The following ABTB3 variants were observed in gnomAD, a reference collection of about 807,000 sequenced individuals.
ABTB3 encodes the protein ankyrin repeat- and BTB/POZ domain-containing protein 3.
chr12:107,588,464 C>T, the ABTB3 span, among the ~76,000 whole-genome samples: 9 of 152,218 alleles, frequency 5.9e-5, no homozygotes, highest in Middle Eastern at 3.4e-3. Flanking sequence ...TAAACAAATG[C>T]GGCACAGGAC....
the ABTB3 span, chr12:107,620,155 A>G: frequency 9.9e-6 from 16 of 1,614,102 alleles, no homozygotes; most frequent in South Asian, 1.6e-4. Context: ...AGATCCTGAA[A>G]GCGAGCAAGG....
the ABTB3 span, among the ~76,000 whole-genome samples, chr12:107,354,923 T>G: frequency 6.6e-6 from 1 of 152,234 alleles, no homozygotes; most frequent in Non-Finnish European, 1.5e-5. Flanking sequence ...CCATACATTA[T>G]ATAGCTTTTT....
At chr12:107,327,726 C>T in the ABTB3 span, among the ~76,000 whole-genome samples, 1 of 152,322 alleles carries the variant, frequency 6.6e-6, no homozygotes, top group Non-Finnish European at 1.5e-5. Context: ...AAGCCAATGT[C>T]ACATGTTTTA....
chr12:107,618,471 A>G, the ABTB3 span: 6 of 1,065,680 alleles, frequency 5.6e-6, no homozygotes, highest in African/African-American at 1.6e-5. Context: ...ACACATACAC[A>G]TGCAAAACAC....
the ABTB3 span, among the ~76,000 whole-genome samples, chr12:107,409,091 C>G: frequency 3.3e-5 from 5 of 152,188 alleles, no homozygotes; most frequent in African/African-American, 1.2e-4. Flanking sequence ...CTCTCCGTCC[C>G]CCTCACCTTC....
chr12:107,356,642 T>C, the ABTB3 span, among the ~76,000 whole-genome samples: 1 of 152,218 alleles, frequency 6.6e-6, no homozygotes, highest in African/African-American at 2.4e-5. Context: ...TAGCTAAAAA[T>C]GTTCCACCCT....
At chr12:107,419,433 C>A in the ABTB3 span, among the ~76,000 whole-genome samples, 1 of 152,202 alleles carries the variant, frequency 6.6e-6, no homozygotes, top group African/African-American at 2.4e-5. Context: ...TCAATTGATT[C>A]CTGCCTCTGG....
the ABTB3 span, among the ~76,000 whole-genome samples, chr12:107,627,148 A>C: frequency 6.6e-6 from 1 of 152,204 alleles, no homozygotes; most frequent in African/African-American, 2.4e-5. Flanking sequence ...TTTGCTAAAA[A>C]TTCTTAATTT....
At chr12:107,594,538 C>A in the ABTB3 span, among the ~76,000 whole-genome samples, 2 of 152,152 alleles carry the variant, frequency 1.3e-5, no homozygotes, top group Admixed American at 6.5e-5. Flanking sequence ...ATAATTTTAT[C>A]TTTCTTTCTT....
the ABTB3 span, among the ~76,000 whole-genome samples, chr12:107,431,897 TGGAACATGGGCCGTCCAG>T: frequency 4.6e-5 from 7 of 152,286 alleles, no homozygotes; most frequent in South Asian, 1.2e-3. Context: ...GCCTGGCCCA[TGGAACATGGGCCGTCCAG>T]GGAATTGAGG....
At chr12:107,615,117 G>C in the ABTB3 span, 5 of 1,613,762 alleles carry the variant, frequency 3.1e-6, no homozygotes, top group Non-Finnish European at 4.2e-6. Context: ...GCCATTGGAC[G>C]GCTCTGACTT....
the ABTB3 span, among the ~76,000 whole-genome samples, chr12:107,470,452 G>A: frequency 6.6e-6 from 1 of 152,080 alleles, no homozygotes; most frequent in Admixed American, 6.5e-5. Context: ...GGAACATTGA[G>A]AGCCTACCCT....
the ABTB3 span, chr12:107,319,024 G>C: frequency 1.2e-6 from 2 of 1,613,504 alleles, no homozygotes; most frequent in African/African-American, 1.3e-5. Flanking sequence ...CGGCGGACTC[G>C]GTGCGCTCCT....
At chr12:107,324,802 A>G in the ABTB3 span, among the ~76,000 whole-genome samples, 1 of 152,226 alleles carries the variant, frequency 6.6e-6, no homozygotes, top group Non-Finnish European at 1.5e-5. Context: ...TTTGAAGGGC[A>G]GACCAGAAGA....
the ABTB3 span, chr12:107,520,628 C>A: frequency 6.2e-7 from 1 of 1,614,110 alleles, no homozygotes; most frequent in Non-Finnish European, 8.5e-7. Context: ...GGCAGCATCG[C>A]CGAATTGAGT....
chr12:107,583,818 A>G, the ABTB3 span, among the ~76,000 whole-genome samples: 19 of 152,350 alleles, frequency 1.2e-4, no homozygotes, highest in South Asian at 3.5e-3. Flanking sequence ...ACAGAGGAGC[A>G]GAGGAAGTCG....
the ABTB3 span, among the ~76,000 whole-genome samples, chr12:107,393,170 G>A: frequency 6.6e-6 from 1 of 152,150 alleles, no homozygotes; most frequent in Non-Finnish European, 1.5e-5. Flanking sequence ...ATCAGTCAGG[G>A]ACGAGAACTC....
the ABTB3 span, among the ~76,000 whole-genome samples, chr12:107,358,373 G>A: frequency 1.3e-5 from 2 of 152,208 alleles, no homozygotes; most frequent in Admixed American, 1.3e-4. Context: ...AGCAGGTACA[G>A]CATGTGCAAA....
chr12:107,511,680 G>A, the ABTB3 span, among the ~76,000 whole-genome samples: 3 of 152,272 alleles, frequency 2.0e-5, no homozygotes, highest in South Asian at 6.2e-4. Context: ...GCAAGTCACA[G>A]GCTGGCCAAG....
Sources: gnomAD v4.1 joint callset for allele counts (sites outside exome capture counted in the v4.1 genomes callset) on GRCh38, gnomAD v4.1.1 for gene constraint, MANE v1.5 for transcripts, NCBI Gene and HGNC (gene_info 2026-07-23, HGNC 2026-07-21) for gene names.